The following C12orf42 variants were observed in gnomAD, a reference collection of about 807,000 sequenced individuals.
The protein encoded by C12orf42 is uncharacterized protein C12orf42.
A neutral mutation model predicts 21.6 loss-of-function variants in C12orf42; 25 were observed. That is an observed-to-expected ratio of 1.16 (90% CI 0.84 to 1.62). C12orf42 has a LOEUF of 1.62. C12orf42 is among the 40% of genes most tolerant of loss of function. C12orf42 has a pLI of 0.00. For missense variants in C12orf42, 483 were observed against 459.3 expected (o/e 1.05, Z -0.47); for synonymous variants, 174 against 175.0 (o/e 0.99, Z 0.05).
chr12:103,304,277 T>C (rs1354408714), intron 5 of C12orf42, among the ~76,000 whole-genome samples: 1 of 152,154 alleles, frequency 6.6e-6, no homozygotes, highest in African/African-American at 2.4e-5. Context: ...GCTCAGTATG[T>C]GATCAGCAGT....
intron 2 of C12orf42, among the ~76,000 whole-genome samples, chr12:103,461,469 T>C (rs1043944160): frequency 8.5e-5 from 13 of 152,346 alleles, no homozygotes; most frequent in African/African-American, 2.9e-4. Context: ...GTACATAGAC[T>C]ATCTTCCAGA....
intron 4 of C12orf42, among the ~76,000 whole-genome samples, chr12:103,308,778 G>A (rs2038638191): frequency 6.6e-6 from 1 of 152,184 alleles, no homozygotes; most frequent in Non-Finnish European, 1.5e-5. Context: ...ACCTTATTTG[G>A]AAATCAGGTC....
chr12:103,139,284 T>C, the C12orf42 span, among the ~76,000 whole-genome samples: 3 of 152,198 alleles, frequency 2.0e-5, no homozygotes, highest in Admixed American at 6.6e-5. Flanking sequence ...TTTCCAGACA[T>C]GTAGATGTCA....
At chr12:103,047,882 C>T in the C12orf42 span, among the ~76,000 whole-genome samples, 9 of 152,118 alleles carry the variant, frequency 5.9e-5, no homozygotes, top group Non-Finnish European at 1.0e-4. Flanking sequence ...AGAGTAGACA[C>T]GGTAAGGTTT....
intron 2 of C12orf42, among the ~76,000 whole-genome samples, chr12:103,421,365 T>G (rs1447934202): frequency 6.6e-6 from 1 of 151,424 alleles, no homozygotes; most frequent in Non-Finnish European, 1.5e-5. Flanking sequence ...AGCCCAGGAG[T>G]CTGAGACCAG....
intron 5 of C12orf42, among the ~76,000 whole-genome samples, chr12:103,275,627 A>G (rs527532009): frequency 2.5e-4 from 38 of 152,310 alleles, no homozygotes; most frequent in Middle Eastern, 6.8e-3. Flanking sequence ...GGGCATATAA[A>G]TAGAGAAAAC....
chr12:103,212,269 G>A, the C12orf42 span, among the ~76,000 whole-genome samples: 7 of 152,210 alleles, frequency 4.6e-5, no homozygotes, highest in South Asian at 4.1e-4. Flanking sequence ...TCTTATACAT[G>A]TGTTTCTCCT....
the C12orf42 span, among the ~76,000 whole-genome samples, chr12:103,176,178 C>A: frequency 6.6e-6 from 1 of 152,096 alleles, no homozygotes; most frequent in Non-Finnish European, 1.5e-5. Context: ...ATTAAAAAAA[C>A]AAAAGGGAAT....
At chr12:103,501,612 G>T in the C12orf42 span, among the ~76,000 whole-genome samples, 1 of 152,168 alleles carries the variant, frequency 6.6e-6, no homozygotes, top group Non-Finnish European at 1.5e-5. Flanking sequence ...CAAAGATAAA[G>T]CTGTTAAATT....
chr12:103,416,946 A>G (rs1368559394), intron 2 of C12orf42, among the ~76,000 whole-genome samples: 4 of 152,188 alleles, frequency 2.6e-5, no homozygotes, highest in Admixed American at 2.0e-4. Context: ...TAATTTTATT[A>G]AGAGAAAGGG....
intron 10 of C12orf42, among the ~76,000 whole-genome samples, chr12:103,259,720 G>T (rs1184618852): frequency 6.6e-6 from 1 of 152,192 alleles, no homozygotes; most frequent in African/African-American, 2.4e-5. Flanking sequence ...GTGGTTCATT[G>T]TGAAGCACTT....
chr12:103,210,639 CTTT>C, the C12orf42 span, among the ~76,000 whole-genome samples: 178 of 77,670 alleles, frequency 2.3e-3, 1 homozygote, highest in African/African-American at 7.2e-3. Flanking sequence ...CCCTCTATTT[CTTT>C]TTTTTTTTTT....
At chr12:103,074,512 C>T in the C12orf42 span, among the ~76,000 whole-genome samples, 2 of 152,086 alleles carry the variant, frequency 1.3e-5, no homozygotes, top group South Asian at 2.1e-4. Flanking sequence ...AACCTTACCC[C>T]TGTCATTGTG....
intron 5 of C12orf42, chr12:103,277,030 TA>T (rs1381117402): frequency 4.0e-5 from 17 of 420,828 alleles, no homozygotes; most frequent in African/African-American, 3.3e-4. Context: ...TTATTTACAA[TA>T]AAAACACAGG....
the C12orf42 span, among the ~76,000 whole-genome samples, chr12:103,140,764 A>G: frequency 6.6e-6 from 1 of 152,182 alleles, no homozygotes; most frequent in African/African-American, 2.4e-5. Context: ...CTGAAAGTCT[A>G]AAGAGGCTTG....
chr12:103,379,038 C>T (rs1385816613), intron 3 of C12orf42, among the ~76,000 whole-genome samples: 1 of 151,954 alleles, frequency 6.6e-6, no homozygotes, highest in South Asian at 2.1e-4. Context: ...AGGTCTCCAC[C>T]ACCCACAGAG....
intron 2 of C12orf42, among the ~76,000 whole-genome samples, chr12:103,402,894 A>G (rs529877345): frequency 6.6e-6 from 1 of 152,336 alleles, no homozygotes; most frequent in African/African-American, 2.4e-5. Context: ...GGAGGGTCAT[A>G]GATTTCACAG....
At chr12:103,410,308 T>C (rs1480282251) in intron 2 of C12orf42, among the ~76,000 whole-genome samples, 1 of 152,180 alleles carries the variant, frequency 6.6e-6, no homozygotes, top group Non-Finnish European at 1.5e-5. Context: ...TAATCCTGCT[T>C]CTCCAATCAA....
chr12:103,118,772 T>TAAA, the C12orf42 span, among the ~76,000 whole-genome samples: 329 of 41,546 alleles, frequency 7.9e-3, 19 homozygotes, highest in Middle Eastern at 0.023. Flanking sequence ...CACTCCAGCC[T>TAAA]AAAAAAAAAA....
Sources: gnomAD v4.1 joint callset for allele counts (sites outside exome capture counted in the v4.1 genomes callset) on GRCh38, gnomAD v4.1.1 for gene constraint, MANE v1.5 for transcripts, NCBI Gene and HGNC (gene_info 2026-07-23, HGNC 2026-07-21) for gene names.